The following SASS6 variants were observed in gnomAD, a reference collection of about 807,000 sequenced individuals.
SASS6 encodes the protein SAS-6 centriolar assembly protein.
A neutral mutation model predicts 94.9 loss-of-function variants in SASS6; 59 were observed. The observed-to-expected ratio is 0.62, with a 90% CI of 0.50 to 0.77. The LOEUF (loss-of-function observed/expected upper bound fraction) is 0.77. Ranked by LOEUF, SASS6 falls within the 30% of genes least tolerant of loss-of-function variation. The pLI is 0.00. For missense variants in SASS6, 698 were observed against 734.1 expected (o/e 0.95, Z 0.57); for synonymous variants, 264 against 270.0 (o/e 0.98, Z 0.22).
At chr1:100,105,267 G>T (rs12138097) in intron 13 of SASS6, among the ~76,000 whole-genome samples, 2 of 152,062 alleles carry the variant, frequency 1.3e-5, no homozygotes, top group African/African-American at 4.8e-5. Context: ...GGTGGCTCAC[G>T]CCTGTAATCC....
chr1:100,105,782 A>T lies in SASS6; in HGVS notation c.1530T>A (p.Ser510=), dbSNP rs763769800. The change falls in exon 13 of 17, where the codon TCT becomes TCA. Residue 510 remains serine, a synonymous_variant. Transcript: ENST00000287482. Reference sequence around the variant, plus strand: ...TAAATCTTACCACATTCAGGTTAGGAGAAATTCCACTTCTGATTGTGTTGC... The same window carrying T: ...TAAATCTTACCACATTCAGGTTAGGTGAAATTCCACTTCTGATTGTGTTGC... The part of the protein sequence containing the change: ...SSSNTIRSGI[S]PNLNVVDGRL... 6.2e-7 allele frequency: 1 copy of T among 1,612,808 alleles called. No individual in the cohort carries two copies. The highest frequency in any genetic ancestry group is 2.2e-5 in the East Asian group (1 of 44,812).
chr1:100,101,171 A>G (rs1016598157), intron 14 of SASS6, among the ~76,000 whole-genome samples: 2 of 152,142 alleles, frequency 1.3e-5, no homozygotes, highest in Non-Finnish European at 2.9e-5. Context: ...TGGCTTGATC[A>G]ACTTCAGGTT....
rs774060441 is a variant in SASS6 at position 100,107,967 on chromosome 1, C to A, written c.899G>T (p.Arg300Leu). Residue 300 changes from arginine (R) to leucine (L), a missense_variant, in exon 9 of 17, where the codon CGA becomes CTA. Physicochemically the swap from Arg to Leu is moderately radical, Grantham distance 102. Coordinates refer to ENST00000287482, the MANE Select transcript of SASS6 (RefSeq NM_194292.3). ...QRTKQEVLSL[R>L]RENSTLDVEC... The stretch of plus-strand genomic sequence containing the variant: ...AACATCTAGTGTAGAATTCTCTCTT[C>A]GCAAAGAGAGGACTTCTTGCTTAGT... 6.2e-7 allele frequency: 1 copy of A among 1,611,002 alleles called. No individual in the cohort carries two copies. Among genetic ancestry groups the A allele is most frequent in the South Asian group, 1.1e-5 (1 of 90,878 alleles).
chr1:100,132,547 C>T (rs891225552), intron 1 of SASS6, among the ~76,000 whole-genome samples: 1 of 152,194 alleles, frequency 6.6e-6, no homozygotes, highest in Non-Finnish European at 1.5e-5. Flanking sequence ...CCTAACTCCT[C>T]ACACCCTTCC....
chr1:100,086,160 T>TC (rs1473271610), intron 15 of SASS6, among the ~76,000 whole-genome samples: 2 of 150,020 alleles, frequency 1.3e-5, no homozygotes, highest in African/African-American at 4.9e-5. Context: ...ACCACTGCCA[T>TC]CCTTTCTAAA....
intron 14 of SASS6, among the ~76,000 whole-genome samples, chr1:100,089,999 CTTATT>C (rs1034313286): frequency 1.3e-3 from 195 of 151,662 alleles, no homozygotes; most frequent in African/African-American, 4.4e-3. Flanking sequence ...TTGTAACAGT[CTTATT>C]TTACATGGGA....
chr1:100,091,629 TTA>T (rs1491519900), intron 14 of SASS6, among the ~76,000 whole-genome samples: 5 of 100,108 alleles, frequency 5.0e-5, no homozygotes, highest in African/African-American at 1.7e-4. Flanking sequence ...AAAAGTCTCA[TTA>T]AAAAAAAAAA....
Position 100,088,196 on chromosome 1 carries a change from A to G in SASS6, c.1715T>C (p.Leu572Pro). 1 of 1,607,192 alleles carries G rather than the reference A, an allele frequency of 6.2e-7. No individual in the cohort carries two copies. The change falls in exon 15 of 17, where the codon CTA becomes CCA. Residue 572 changes from leucine to proline, a missense_variant. By Grantham distance (98) the Leu-to-Pro change is moderately conservative. Coordinates refer to ENST00000287482, the MANE Select transcript of SASS6 (RefSeq NM_194292.3). ...AGTTGCTCCTGACTGAACATCTCCT[A>G]GTGATGCATTTGGTTTTGTAAACTG... is the stretch of plus-strand genomic sequence containing the variant. The part of the protein sequence containing the change: ...NLQFTKPNAS[L>P]GDVQSGATIS...
intron 1 of SASS6, among the ~76,000 whole-genome samples, chr1:100,128,663 T>C (rs1475824458): frequency 6.6e-6 from 1 of 152,242 alleles, no homozygotes; most frequent in Non-Finnish European, 1.5e-5. Context: ...TTATAATGGT[T>C]AATGTCATAA....
At chr1:100,098,413 A>G (rs1652248319) in intron 14 of SASS6, among the ~76,000 whole-genome samples, 1 of 152,172 alleles carries the variant, frequency 6.6e-6, no homozygotes, top group African/African-American at 2.4e-5. Flanking sequence ...AAACAAACAA[A>G]TGGAAAACAA....
rs779878162 is a variant in SASS6 at position 100,119,156 on chromosome 1, C to A, written c.550-19G>T. The A allele has an allele frequency of 7.2e-6, 10 of 1,392,036 alleles. No individual in the cohort carries two copies. In the Admixed American group the frequency reaches 1.8e-4, roughly 25 times the overall value. The allele number at this position is 1,392,036 out of a possible 1,614,324, so 86.2% of individuals were successfully genotyped here. A position where few individuals can be genotyped will look rare whatever the true frequency, so the allele number is the denominator to read the frequency against. ...CTAATGTCTACATTAGAGTTTAACA[C>A]AAAATATTAAGATAGGCTCCTTAAT... On this transcript the variant is annotated intron_variant, in intron 6 of 16. Transcript: ENST00000287482.
chr1:100,110,708 T>C (rs748644977), intron 7 of SASS6, among the ~76,000 whole-genome samples: 24 of 152,024 alleles, frequency 1.6e-4, no homozygotes, highest in Non-Finnish European at 2.9e-4. Flanking sequence ...TTTACCACCA[T>C]GATCTTGTTC....
chr1:100,119,776 A>C (rs1465409927), intron 6 of SASS6, among the ~76,000 whole-genome samples: 1 of 152,202 alleles, frequency 6.6e-6, no homozygotes. Context: ...GCCTTCAGCC[A>C]TGACTGTAAA....
chr1:100,112,933 TTATC>T (rs1450239697), intron 7 of SASS6, among the ~76,000 whole-genome samples: 2 of 152,324 alleles, frequency 1.3e-5, no homozygotes, highest in Admixed American at 1.3e-4. Context: ...AAGTTTTACA[TTATC>T]TATTAGCAGG....
chr1:100,122,354 T>C (rs1570708686), intron 4 of SASS6, 26 bp downstream of exon 4: 1 of 967,690 alleles, frequency 1.0e-6, no homozygotes, highest in Non-Finnish European at 1.6e-6. Flanking sequence ...TTAAATTTAA[T>C]AATGTAGCAT....
chr1:100,085,509 T>G, intron 16 of SASS6, 27 bp downstream of exon 16: 1 of 1,588,100 alleles, frequency 6.3e-7, no homozygotes, highest in Non-Finnish European at 8.6e-7. Flanking sequence ...AACTATAAAG[T>G]ACAAAAATCC....
intron 14 of SASS6, among the ~76,000 whole-genome samples, chr1:100,094,633 T>C (rs1651984278): frequency 6.6e-6 from 1 of 151,966 alleles, no homozygotes. Context: ...GGTGGGCGGA[T>C]CACCCACCTC....
intron 13 of SASS6, among the ~76,000 whole-genome samples, chr1:100,104,993 T>C (rs1024432094): frequency 6.6e-6 from 1 of 152,024 alleles, no homozygotes; most frequent in African/African-American, 2.4e-5. Flanking sequence ...AGAAAGTTTA[T>C]ATCTCATAAC....
chr1:100,120,225 G>C (rs1654073434), intron 6 of SASS6, among the ~76,000 whole-genome samples, 169 bp downstream of exon 6: 1 of 152,128 alleles, frequency 6.6e-6, no homozygotes, highest in South Asian at 2.1e-4. Context: ...ACAAGAGAAA[G>C]TATCAAATTA....
Sources: allele counts gnomAD v4.1 joint callset (sites outside exome capture counted in the v4.1 genomes callset), GRCh38; gene constraint gnomAD v4.1.1; transcripts MANE v1.5; gene names NCBI Gene and HGNC (gene_info 2026-07-23, HGNC 2026-07-21).